Variants in VPS13A observed in about 807,000 individuals in gnomAD.
VPS13A encodes the protein vacuolar protein sorting 13 homolog A, also known as intermembrane lipid transfer protein VPS13A.
A neutral mutation model predicts 390.9 loss-of-function variants in VPS13A; 264 were observed. The observed-to-expected ratio is 0.68, with a 90% CI of 0.61 to 0.75. The LOEUF (loss-of-function observed/expected upper bound fraction) is 0.75. Ranked by LOEUF, VPS13A falls within the 30% of genes least tolerant of loss-of-function variation. The pLI is 0.00. For missense variants in VPS13A, 3,409 were observed against 3,733.9 expected (o/e 0.91, Z 2.27); for synonymous variants, 1,231 against 1,227.1 (o/e 1.00, Z -0.07).
At chr9:77,348,094 A>G (rs1221877687) in intron 52 of VPS13A, among the ~76,000 whole-genome samples, 1 of 152,176 alleles carries the variant, frequency 6.6e-6, no homozygotes, top group Non-Finnish European at 1.5e-5. Flanking sequence ...AACCCAAAAT[A>G]CCATTTGACC....
intron 67 of VPS13A, among the ~76,000 whole-genome samples, chr9:77,374,027 A>G (rs954600573): frequency 7.2e-5 from 11 of 152,228 alleles, no homozygotes; most frequent in Non-Finnish European, 1.5e-4. Context: ...CATTAATGCT[A>G]TATATCAATT....
intron 71 of VPS13A, among the ~76,000 whole-genome samples, chr9:77,407,900 T>C (rs1194580048): frequency 4.6e-5 from 7 of 152,030 alleles, no homozygotes; most frequent in Non-Finnish European, 8.8e-5. Flanking sequence ...CAAACAAAAA[T>C]TAATTATTTT....
intron 20 of VPS13A, 73 bp from the exon 21 acceptor site, chr9:77,250,024 C>T (rs1825065805): frequency 6.6e-7 from 1 of 1,525,130 alleles, no homozygotes; most frequent in Non-Finnish European, 8.9e-7. Flanking sequence ...TTTTATAAGT[C>T]TAAAAATTAA....
intron 67 of VPS13A, among the ~76,000 whole-genome samples, chr9:77,381,718 G>A (rs925997024): frequency 1.3e-5 from 2 of 151,924 alleles, no homozygotes; most frequent in African/African-American, 2.4e-5. Context: ...ACTAGACAAC[G>A]TAATAGGAAA....
At chr9:77,370,720 A>G in intron 65 of VPS13A, 142 bp downstream of exon 65, 1 of 1,379,654 alleles carries the variant, frequency 7.2e-7, no homozygotes, top group Non-Finnish European at 1.0e-6. Context: ...TAGCATATAA[A>G]ACATGTCAGT....
intron 17 of VPS13A, 125 bp downstream of exon 17, chr9:77,228,389 G>T: frequency 1.1e-6 from 1 of 943,278 alleles, no homozygotes; most frequent in Non-Finnish European, 1.5e-6. Context: ...TGTGGTTTCA[G>T]GAAAAAGGTT....
At chr9:77,302,124 C>T (rs990455220) in intron 33 of VPS13A, among the ~76,000 whole-genome samples, 1 of 151,554 alleles carries the variant, frequency 6.6e-6, no homozygotes, top group African/African-American at 2.4e-5. Flanking sequence ...CGCCTGGTTA[C>T]TTTTTGTATT....
chr9:77,375,999 G>A (rs1041834267), intron 67 of VPS13A, among the ~76,000 whole-genome samples: 1 of 152,188 alleles, frequency 6.6e-6, no homozygotes, highest in Non-Finnish European at 1.5e-5. Flanking sequence ...GAGGTAAGGA[G>A]ATGCAAAATG....
At chr9:77,338,188 T>A (rs1002631541) in intron 47 of VPS13A, 2 of 152,218 alleles carry the variant, frequency 1.3e-5, no homozygotes, top group Non-Finnish European at 2.9e-5. Flanking sequence ...CTATGGCTTG[T>A]CTTGAACTCT....
intron 50 of VPS13A, among the ~76,000 whole-genome samples, chr9:77,341,722 C>CTTTTTTTTTTTTTTTTTT (rs1342016752): frequency 3.1e-3 from 205 of 65,954 alleles, no homozygotes; most frequent in African/African-American, 4.1e-3. Context: ...TTTTTTTTTG[C>CTTTTTTTTTTTTTTTTTT]TTTTGCTGTG....
intron 1 of VPS13A, 112 bp from the exon 2 acceptor site, chr9:77,199,833 A>G: frequency 1.2e-6 from 1 of 808,184 alleles, no homozygotes; most frequent in Non-Finnish European, 1.9e-6. Flanking sequence ...ATTATCTGTT[A>G]TGCACATTAT....
intron 52 of VPS13A, among the ~76,000 whole-genome samples, chr9:77,349,574 ATACT>A (rs1336498731): frequency 1.3e-5 from 2 of 152,308 alleles, no homozygotes; most frequent in African/African-American, 4.8e-5. Context: ...AATTAAATAA[ATACT>A]TAATTGTTCA....
chr9:77,183,163 T>C (rs573511507), intron 1 of VPS13A, among the ~76,000 whole-genome samples: 1 of 152,328 alleles, frequency 6.6e-6, no homozygotes, highest in Non-Finnish European at 1.5e-5. Context: ...TGCCTCTCCA[T>C]ATACCCATTA....
chr9:77,402,598 C>A (rs1309113986), intron 68 of VPS13A, among the ~76,000 whole-genome samples: 5 of 151,838 alleles, frequency 3.3e-5, no homozygotes, highest in Non-Finnish European at 7.4e-5. Context: ...AATGGTAAAT[C>A]TTATTTTGTT....
chr9:77,392,218 C>T (rs1270215118), intron 68 of VPS13A, among the ~76,000 whole-genome samples: 1 of 152,038 alleles, frequency 6.6e-6, no homozygotes, highest in Non-Finnish European at 1.5e-5. Context: ...TGAAGCATTG[C>T]AAGAGACATG....
At chr9:77,292,271 T>G (rs147202145) in intron 31 of VPS13A, among the ~76,000 whole-genome samples, 18 of 152,248 alleles carry the variant, frequency 1.2e-4, no homozygotes, top group Non-Finnish European at 2.2e-4. Flanking sequence ...CCTTTATCAT[T>G]TTAGCTGAAT....
intron 19 of VPS13A, among the ~76,000 whole-genome samples, chr9:77,242,771 T>C (rs976312959): frequency 9.2e-5 from 14 of 152,066 alleles, no homozygotes; most frequent in Admixed American, 3.3e-4. Flanking sequence ...CCTCAACTTT[T>C]ATTACTTAAA....
chr9:77,370,633 T>A (rs1402095761), intron 65 of VPS13A, 55 bp downstream of exon 65: 1 of 1,607,612 alleles, frequency 6.2e-7, no homozygotes, highest in Non-Finnish European at 8.5e-7. Context: ...TAAACAAACC[T>A]ACATTTGCGA....
At chr9:77,331,816 T>G (rs902625469) in intron 45 of VPS13A, among the ~76,000 whole-genome samples, 194 bp from the exon 46 acceptor site, 4 of 151,994 alleles carry the variant, frequency 2.6e-5, no homozygotes, top group African/African-American at 9.6e-5. Flanking sequence ...AGATTCCTAT[T>G]ATATAAAACT....
Sources: gnomAD v4.1 joint callset for allele counts (sites outside exome capture counted in the v4.1 genomes callset) on GRCh38, gnomAD v4.1.1 for gene constraint, MANE v1.5 for transcripts, NCBI Gene and HGNC (gene_info 2026-07-23, HGNC 2026-07-21) for gene names.